FANK1: variants seen among roughly 807,000 people sequenced by gnomAD.
The protein encoded by FANK1 is fibronectin type 3 and ankyrin repeat domains protein 1.
Under a neutral mutation model 45.3 loss-of-function variants are expected in FANK1, and 44 were observed. The ratio of observed to expected loss-of-function variants is 0.97; its 90% CI spans 0.76 to 1.25. FANK1 has a LOEUF of 1.25. Among genes scored for constraint, FANK1 ranks in the 50% most tolerant of loss-of-function variants. FANK1 has a pLI of 0.00. For synonymous variants in FANK1, 149 were observed against 152.5 expected, an observed-to-expected ratio of 0.98 and a Z score of 0.17; for missense variants, 391 against 424.4, an observed-to-expected ratio of 0.92 and a Z score of 0.69.
At chr10:125,973,602 T>C in intron 1 of FANK1, 1 of 210,326 alleles carries the variant, frequency 4.8e-6, no homozygotes, top group Non-Finnish European at 8.3e-6. Context: ...GGGTAATGTA[T>C]ACTGTTGATT....
At position 125,931,303 on chromosome 10, in the gene FANK1, T is replaced by C. The variant is rs562498081; in HGVS notation, c.13+34648T>C. On this transcript the variant is annotated intron_variant, in intron 1 of 10. Transcript: ENST00000368693. ...TAAGGAATCTCCACACTGTTTTCCA[T>C]AGTGGTTGTACTAGTTTACATTTCC... Among the ~76,000 whole-genome samples the C allele has an allele frequency of 7.9e-5, 12 of 152,344 alleles. No individual in the cohort carries two copies. In the East Asian group the frequency reaches 9.6e-4, roughly 12 times the overall value.
chr10:126,005,146 C>A, intron 7 of FANK1, 97 bp downstream of exon 7: 2 of 1,412,666 alleles, frequency 1.4e-6, no homozygotes, highest in Non-Finnish European at 1.9e-6. Context: ...ATTAGCTAAC[C>A]TTAGAAATGC....
rs1448131184 is a variant in FANK1, at chr10:126,009,256, T to C, written c.962T>C (p.Phe321Ser). ...GGTGTCCTAGAAATGGCCAGAGTTTTTGACAGACAGGTTGGGATGCTCTTT... is the reference window on the plus strand; with the variant it reads ...GGTGTCCTAGAAATGGCCAGAGTTTCTGACAGACAGGTTGGGATGCTCTTT... ...GKGVLEMARV[F>S]DRQSVVSLLE... Residue 321 changes from phenylalanine to serine, a missense_variant, in exon 10 of 11, where the codon TTT (phenylalanine) becomes TCT (serine). Phe to Ser is a radical substitution (Grantham distance 155). Transcript: ENST00000368693. 1 of 1,614,234 alleles carries C rather than the reference T, an allele frequency of 6.2e-7. No homozygotes were observed. Among genetic ancestry groups the C allele is most frequent in the African/African-American group, 1.3e-5 (1 of 75,058 alleles).
intron 1 of FANK1, among the ~76,000 whole-genome samples, chr10:125,949,898 G>A (rs1949082243): frequency 6.9e-6 from 1 of 143,926 alleles, no homozygotes; most frequent in Non-Finnish European, 1.5e-5. Flanking sequence ...AAACAGCATG[G>A]TACTGGTACC....
intron 1 of FANK1, among the ~76,000 whole-genome samples, chr10:125,956,804 G>A (rs776701481): frequency 7.2e-5 from 11 of 152,116 alleles, no homozygotes; most frequent in African/African-American, 1.7e-4. Flanking sequence ...CAGGAAAAAC[G>A]TAAAACTCAT....
intron 1 of FANK1, among the ~76,000 whole-genome samples, chr10:125,941,457 G>A (rs572390819): frequency 6.6e-6 from 1 of 152,314 alleles, no homozygotes; most frequent in African/African-American, 2.4e-5. Flanking sequence ...TGGGGAAAGT[G>A]GAAATTAGTA....
At chr10:125,994,735 C>T in intron 3 of FANK1, 2 of 985,394 alleles carry the variant, frequency 2.0e-6, no homozygotes, top group Non-Finnish European at 2.4e-6. Context: ...TCTGCTTGTG[C>T]TGCCCGCCTG....
At chr10:125,897,589 A>G (rs893429337) in intron 1 of FANK1, among the ~76,000 whole-genome samples, 1,417 of 138,108 alleles carry the variant, frequency 0.01, no homozygotes, top group African/African-American at 0.027. Context: ...TGGCATTTTT[A>G]AAGGTCATTC....
intron 1 of FANK1, among the ~76,000 whole-genome samples, chr10:125,940,950 C>T (rs545965788): frequency 6.6e-6 from 1 of 152,316 alleles, no homozygotes; most frequent in Admixed American, 6.5e-5. Context: ...AAGGTTGGGG[C>T]TAAAGTTACA....
At chr10:125,916,500 A>G (rs577330598) in intron 1 of FANK1, among the ~76,000 whole-genome samples, 44 of 152,290 alleles carry the variant, frequency 2.9e-4, no homozygotes, top group African/African-American at 1.1e-3. Context: ...TCTATTTGAT[A>G]TAAAAAAATC....
intron 1 of FANK1, among the ~76,000 whole-genome samples, chr10:125,978,115 A>G (rs1248209978): frequency 6.6e-6 from 1 of 152,120 alleles, no homozygotes; most frequent in Non-Finnish European, 1.5e-5. Flanking sequence ...TCCAGTCCCT[A>G]GTCACCTCAG....
intron 1 of FANK1, among the ~76,000 whole-genome samples, chr10:125,904,997 G>C (rs532199139): frequency 1.3e-5 from 2 of 151,962 alleles, no homozygotes; most frequent in East Asian, 1.9e-4. Flanking sequence ...CGGGTGTGGT[G>C]GTGGGCGCCT....
chr10:125,953,312 G>GC (rs1339647762), intron 1 of FANK1, among the ~76,000 whole-genome samples: 4 of 152,040 alleles, frequency 2.6e-5, no homozygotes, highest in African/African-American at 7.2e-5. Flanking sequence ...CCTTCAAGAG[G>GC]CCCCCCTAGA....
intron 3 of FANK1, chr10:125,994,443 T>C (rs1952166398): frequency 1.3e-5 from 13 of 985,320 alleles, no homozygotes; most frequent in Non-Finnish European, 1.6e-5. Flanking sequence ...ACTCAAACTC[T>C]TGCCGTTTGC....
intron 1 of FANK1, among the ~76,000 whole-genome samples, chr10:125,946,847 T>C (rs1367541253): frequency 7.1e-6 from 1 of 141,582 alleles, no homozygotes; most frequent in Non-Finnish European, 1.5e-5. Context: ...GAAAAAATGT[T>C]AAGGGCAGCC....
At chr10:125,930,893 A>G (rs145633386) in intron 1 of FANK1, among the ~76,000 whole-genome samples, 1 of 152,042 alleles carries the variant, frequency 6.6e-6, no homozygotes, top group Non-Finnish European at 1.5e-5. Context: ...CCAAGTCCCC[A>G]AAGTCCATTG....
At chr10:125,906,793 G>T (rs1945560957) in intron 1 of FANK1, among the ~76,000 whole-genome samples, 1 of 152,112 alleles carries the variant, frequency 6.6e-6, no homozygotes, top group South Asian at 2.1e-4. Context: ...GACTGAACCA[G>T]TCCCAGCCAT....
intron 1 of FANK1, among the ~76,000 whole-genome samples, chr10:125,963,883 A>G (rs778011161): frequency 6.6e-6 from 1 of 152,046 alleles, no homozygotes; most frequent in Non-Finnish European, 1.5e-5. Context: ...CCTAGAACTT[A>G]AAGTATAATA....
chr10:125,910,966 A>G (rs571092536), intron 1 of FANK1, among the ~76,000 whole-genome samples: 1 of 151,766 alleles, frequency 6.6e-6, no homozygotes, highest in East Asian at 1.9e-4. Flanking sequence ...CCCGGGAGGC[A>G]GAGTTTGTAG....
Sources: allele counts gnomAD v4.1 joint callset (sites outside exome capture counted in the v4.1 genomes callset), GRCh38; gene constraint gnomAD v4.1.1; transcripts MANE v1.5; gene names NCBI Gene and HGNC (gene_info 2026-07-23, HGNC 2026-07-21).